TRPC3: variants seen among roughly 807,000 people sequenced by gnomAD.
TRPC3 encodes the protein transient receptor potential cation channel subfamily C member 3, also known as short transient receptor potential channel 3.
In TRPC3, 54 loss-of-function variants were observed where a neutral mutation model predicts 90.9. That is an observed-to-expected ratio of 0.59 (90% CI 0.48 to 0.75). The LOEUF is 0.75. TRPC3 is among the 30% of genes least tolerant of loss of function. TRPC3 has a pLI of 0.00. For synonymous variants in TRPC3, 424 were observed against 450.9 expected (o/e 0.94, Z 0.75); for missense variants, 918 against 1,194.5 (o/e 0.77, Z 3.41).
At chr4:121,887,321 A>G (rs1438004904) in intron 10 of TRPC3, among the ~76,000 whole-genome samples, 3 of 152,206 alleles carry the variant, frequency 2.0e-5, no homozygotes, top group African/African-American at 7.2e-5. Context: ...TTGTCTACTT[A>G]TACTTTCCTT....
At chr4:121,934,900 C>A (rs1310659685) in intron 1 of TRPC3, among the ~76,000 whole-genome samples, 1 of 152,216 alleles carries the variant, frequency 6.6e-6, no homozygotes, top group Non-Finnish European at 1.5e-5. Flanking sequence ...TTGACTTATG[C>A]AAGGACACAG....
rs751044420 is a variant in TRPC3, at chr4:121,911,980, G to A, written c.1455C>T (p.Thr485=). ...CAGTAACTGTGATATTGGGCAGCGTGGTGATGCCTTCGAACCTGTCTGAGG... is the reference window on the plus strand; with the variant it reads ...CAGTAACTGTGATATTGGGCAGCGTAGTGATGCCTTCGAACCTGTCTGAGG... ...FNASDRFEGI[T]TLPNITVTDY... is the part of the protein sequence containing the mutation. Residue 485 remains threonine, a synonymous_variant, in exon 5 of 12, where the codon ACC becomes ACT. Transcript: ENST00000379645. 1.2e-6 allele frequency: 2 copies of A among 1,613,890 alleles called. No individual in the cohort carries two copies. Among genetic ancestry groups the A allele is most frequent in the South Asian group, 2.2e-5 (2 of 91,066 alleles).
In TRPC3 at chr4:121,911,860, T is replaced by C. The variant is rs200937185; in HGVS notation, c.1558+17A>G. 242 of 1,591,790 alleles carry C rather than the reference T, an allele frequency of 1.5e-4. No individual in the cohort carries two copies. The highest frequency in any genetic ancestry group is 2.0e-4 in the Non-Finnish European group (236 of 1,169,140). On this transcript the variant is annotated intron_variant, in intron 5 of 11. Coordinates refer to ENST00000379645, the MANE Select transcript of TRPC3 (RefSeq NM_001130698.2). ...ACCTTTTGGTAGAAATTAGGATATT[T>C]AAAATAAAAGACTTACCAAGAACCC...
chr4:121,876,065 AT>A lies in TRPC3; in HGVS notation c.*3670del, dbSNP rs1727753787. ...AGACACATGCCACCATGCCCGGCTA[AT>A]TTTTTTTGTATTTTTTGTAGAGACA... On this transcript the variant is annotated 3_prime_UTR_variant, in exon 12 of 12. Coordinates refer to ENST00000379645, the MANE Select transcript of TRPC3 (RefSeq NM_001130698.2). 6.6e-6 allele frequency among the ~76,000 whole-genome samples: 1 copy of A among 151,088 alleles called. No individual in the cohort carries two copies. Among genetic ancestry groups the A allele is most frequent in the African/African-American group, 2.4e-5 (1 of 41,088 alleles).
At chr4:121,900,075 T>C (rs149129928) in intron 9 of TRPC3, among the ~76,000 whole-genome samples, 46 of 152,314 alleles carry the variant, frequency 3.0e-4, no homozygotes, top group African/African-American at 1.1e-3. Flanking sequence ...GTTCCTCTTC[T>C]AGATTTGAAT....
intron 2 of TRPC3, among the ~76,000 whole-genome samples, chr4:121,926,829 G>A (rs1263291646): frequency 6.6e-6 from 1 of 152,172 alleles, no homozygotes; most frequent in East Asian, 1.9e-4. Context: ...CCTCAGACCA[G>A]CAGCATCAGC....
intron 10 of TRPC3, among the ~76,000 whole-genome samples, chr4:121,894,320 A>T (rs1291835709): frequency 2.6e-5 from 4 of 152,140 alleles, no homozygotes; most frequent in Admixed American, 2.6e-4. Flanking sequence ...TTATAAATAT[A>T]CATGCACCCA....
At position 121,876,827 on chromosome 4, in the gene TRPC3, C is replaced by T. The variant is rs1373398455; in HGVS notation, c.*2909G>A. Among the ~76,000 whole-genome samples, 3 of 152,056 alleles carry T rather than the reference C, an allele frequency of 2.0e-5. No individual in the cohort carries two copies. Among genetic ancestry groups the T allele is most frequent in the South Asian group, 2.1e-4 (1 of 4,820 alleles). On this transcript the variant is annotated 3_prime_UTR_variant, in exon 12 of 12. Transcript: ENST00000379645. ...GGCACTTACAAAGTACCCAACTTTT[C>T]GAACAATAAGTCTAAGAAGCACTTT... is the stretch of plus-strand genomic sequence containing the variant.
At chr4:121,935,597 T>C (rs896984150) in intron 1 of TRPC3, among the ~76,000 whole-genome samples, 26 of 152,182 alleles carry the variant, frequency 1.7e-4, no homozygotes, top group Admixed American at 6.5e-5. Flanking sequence ...ACTGACTTCA[T>C]TGGGTTAATA....
rs769857839 is a variant in TRPC3 at position 121,932,382 on chromosome 4, C to T, written c.876G>A (p.Lys292=). The T allele has an allele frequency of 6.2e-7, 1 of 1,614,176 alleles. No homozygotes were observed. Among genetic ancestry groups the T allele is most frequent in the South Asian group, 1.1e-5 (1 of 91,078 alleles). The change falls in exon 2 of 12, where the codon AAG becomes AAA. Residue 292 remains lysine, a synonymous_variant. Coordinates refer to ENST00000379645, the MANE Select transcript of TRPC3 (RefSeq NM_001130698.2). The surrounding 1 kb of genome is among the most constrained non-coding windows in gnomAD (Gnocchi z 7.7). The stretch of plus-strand genomic sequence containing the variant: ...AGAGGTAAGCCGGGCTGGCCAGCCC[C>T]TTGTAGGCATTGATCCTCGAGCGTG... ...SHSRSRINAY[K]GLASPAYLSL... is the part of the protein sequence containing the mutation.
intron 10 of TRPC3, among the ~76,000 whole-genome samples, chr4:121,884,821 G>C (rs1019089997): frequency 1.3e-5 from 2 of 152,134 alleles, no homozygotes; most frequent in Admixed American, 6.5e-5. Flanking sequence ...AATATTTATT[G>C]AGAGCCAATT....
At chr4:121,941,812 T>C (rs1241022666) in intron 1 of TRPC3, among the ~76,000 whole-genome samples, 1 of 152,062 alleles carries the variant, frequency 6.6e-6, no homozygotes, top group Non-Finnish European at 1.5e-5. Flanking sequence ...ATTTTGAACA[T>C]CTCTTAATAT....
rs1343851191 is a variant in TRPC3 at position 121,874,509 on chromosome 4, TCA to T, written c.*5225_*5226del. Among the ~76,000 whole-genome samples the T allele has an allele frequency of 1.3e-5, 2 of 152,166 alleles. No homozygotes were observed. The highest frequency in any genetic ancestry group is 2.9e-5 in the Non-Finnish European group (2 of 68,018). On this transcript the variant is annotated 3_prime_UTR_variant, in exon 12 of 12. Transcript: ENST00000379645. ...TTTTCAACAACAGAAATTTATTTTC[TCA>T]CAGTCTTGGAGTCTAGAAGTCATAG...
At chr4:121,897,311 G>C (rs1560691100) in intron 10 of TRPC3, among the ~76,000 whole-genome samples, 2 of 151,318 alleles carry the variant, frequency 1.3e-5, no homozygotes, top group African/African-American at 2.4e-5. Flanking sequence ...CAAACCAAAG[G>C]CTTCTTGGTT....
chr4:121,949,330 A>T (rs1171270630), intron 1 of TRPC3, among the ~76,000 whole-genome samples: 3 of 152,162 alleles, frequency 2.0e-5, no homozygotes, highest in Non-Finnish European at 4.4e-5. Flanking sequence ...CACATGGAAT[A>T]GGGCAGCATG....
In TRPC3 at chr4:121,912,024, C is replaced by A; in HGVS notation, c.1411G>T (p.Gly471Cys). ...AHAASFIIFL[G>C]LLVFNASDRF... Reference sequence around the variant, plus strand: ...TCTGAGGCATTGAACACAAGCAGACCCAGGAAGATGATGAAAGAAGCTGCA... The same window carrying A: ...TCTGAGGCATTGAACACAAGCAGACACAGGAAGATGATGAAAGAAGCTGCA... The change falls in exon 5 of 12, where the codon GGT becomes TGT. Residue 471 changes from glycine (G) to cysteine (C), a missense_variant. This residue lies in a region of TRPC3 where 609 missense variants were observed against 725.9 expected (regional missense o/e 0.84). Transcript: ENST00000379645. 6.2e-7 allele frequency: 1 copy of A among 1,613,658 alleles called. No homozygotes were observed. The highest frequency in any genetic ancestry group is 8.5e-7 in the Non-Finnish European group (1 of 1,179,808).
intron 3 of TRPC3, among the ~76,000 whole-genome samples, chr4:121,919,917 T>G (rs192676017): frequency 7.9e-5 from 12 of 152,144 alleles, no homozygotes; most frequent in Non-Finnish European, 1.5e-4. Context: ...CACGGTGAAG[T>G]AGGTAGAACT....
intron 9 of TRPC3, 51 bp downstream of exon 9, chr4:121,902,801 A>C (rs1284510496): frequency 1.4e-5 from 20 of 1,404,544 alleles, no homozygotes; most frequent in Non-Finnish European, 1.9e-5. Context: ...AAGACAAGAA[A>C]AAAAAGACAG....
chr4:121,882,522 A>G, intron 10 of TRPC3, 93 bp from the exon 11 acceptor site: 1 of 1,209,646 alleles, frequency 8.3e-7, no homozygotes, highest in Non-Finnish European at 1.1e-6. Flanking sequence ...TGTAAAGCAA[A>G]CAACTCAGGG....
Sources: allele counts gnomAD v4.1 joint callset (sites outside exome capture counted in the v4.1 genomes callset), GRCh38; gene constraint gnomAD v4.1.1; regional missense constraint gnomAD v4.1.1; non-coding constraint Gnocchi (gnomAD v3.1); transcripts MANE v1.5; gene names NCBI Gene and HGNC (gene_info 2026-07-23, HGNC 2026-07-21).